The following CDH7 variants were observed in gnomAD, a reference collection of about 807,000 sequenced individuals.
CDH7 encodes the protein cadherin-7.
CDH7 carries 25 observed loss-of-function variants against 71.8 expected under a neutral mutation model. The observed-to-expected ratio is 0.35, with a 90% CI of 0.25 to 0.49. The LOEUF (loss-of-function observed/expected upper bound fraction) is 0.49. CDH7 is among the 20% of genes least tolerant of loss of function. The pLI is 0.99. For synonymous variants in CDH7, 381 were observed against 363.8 expected (o/e 1.05, Z -0.54); for missense variants, 862 against 974.6 (o/e 0.88, Z 1.54).
chr18:65,875,639 C>G (rs549801872), intron 11 of CDH7, among the ~76,000 whole-genome samples: 1 of 152,136 alleles, frequency 6.6e-6, no homozygotes, highest in South Asian at 2.1e-4. Context: ...GTAATGCTAA[C>G]GCTTTGGAAG....
chr18:65,862,420 ATT>A (rs1452071165), intron 10 of CDH7, among the ~76,000 whole-genome samples: 1 of 152,180 alleles, frequency 6.6e-6, no homozygotes, highest in East Asian at 1.9e-4. Flanking sequence ...ACATTTTCAT[ATT>A]TTGTTTTACT....
At chr18:65,795,785 T>C (rs186599122) in intron 2 of CDH7, among the ~76,000 whole-genome samples, 1 of 152,286 alleles carries the variant, frequency 6.6e-6, no homozygotes, top group East Asian at 1.9e-4. Flanking sequence ...TCATCTTGAA[T>C]TGTAATCTCA....
intron 11 of CDH7, among the ~76,000 whole-genome samples, chr18:65,878,095 A>G (rs1038157700): frequency 1.1e-4 from 16 of 152,160 alleles, no homozygotes; most frequent in African/African-American, 3.9e-4. Context: ...GAAAACACCT[A>G]CCCCAGAGAA....
chr18:65,863,388 G>A (rs1913648859), intron 11 of CDH7: 1 of 162,090 alleles, frequency 6.2e-6, no homozygotes, highest in Admixed American at 5.7e-5. Context: ...ACACTTTCCA[G>A]TGGTATATTT....
At chr18:65,824,526 A>G in intron 5 of CDH7, 118 bp from the exon 6 acceptor site, 1 of 559,086 alleles carries the variant, frequency 1.8e-6, no homozygotes, top group East Asian at 3.1e-5. Context: ...ACCTTAGCAT[A>G]TATTTTATTA....
intron 6 of CDH7, among the ~76,000 whole-genome samples, chr18:65,825,519 T>C (rs190644916): frequency 1.6e-4 from 24 of 151,956 alleles, no homozygotes; most frequent in Non-Finnish European, 3.1e-4. Flanking sequence ...TTTACAGATA[T>C]TTAATCAAAA....
chr18:65,854,628 G>T (rs1237366270), intron 7 of CDH7, among the ~76,000 whole-genome samples: 1 of 152,120 alleles, frequency 6.6e-6, no homozygotes, highest in African/African-American at 2.4e-5. Context: ...ACTGATGTCT[G>T]TCAAGTTCAA....
intron 2 of CDH7, among the ~76,000 whole-genome samples, chr18:65,801,624 C>A (rs1469561974): frequency 6.6e-6 from 1 of 152,196 alleles, no homozygotes; most frequent in Non-Finnish European, 1.5e-5. Context: ...CTGTCCTCTT[C>A]TTGGCTAGCT....
At chr18:65,788,048 G>C (rs2143850285) in intron 2 of CDH7, among the ~76,000 whole-genome samples, 1 of 152,162 alleles carries the variant, frequency 6.6e-6, no homozygotes, top group South Asian at 2.1e-4. Context: ...TAACTCTAAG[G>C]ATCTTTTTTT....
intron 6 of CDH7, among the ~76,000 whole-genome samples, chr18:65,826,757 A>T (rs1220158798): frequency 6.6e-6 from 1 of 151,546 alleles, no homozygotes; most frequent in Non-Finnish European, 1.5e-5. Flanking sequence ...AATAAATATC[A>T]TTAAAAAAAT....
intron 6 of CDH7, among the ~76,000 whole-genome samples, chr18:65,840,520 T>G (rs967736118): frequency 6.6e-6 from 1 of 152,144 alleles, no homozygotes; most frequent in Non-Finnish European, 1.5e-5. Context: ...ATGATTTCCA[T>G]GTGTTGTGGG....
At chr18:65,790,320 GA>G (rs1910668568) in intron 2 of CDH7, among the ~76,000 whole-genome samples, 1 of 151,570 alleles carries the variant, frequency 6.6e-6, no homozygotes, top group African/African-American at 2.4e-5. Flanking sequence ...AGGTATATGG[GA>G]AAAATAATTG....
At chr18:65,876,572 C>G (rs2144065246) in intron 11 of CDH7, among the ~76,000 whole-genome samples, 1 of 152,214 alleles carries the variant, frequency 6.6e-6, no homozygotes, top group East Asian at 1.9e-4. Flanking sequence ...TCTTCCATAT[C>G]ACATCTTCCT....
chr18:65,787,446 A>G (rs1386298728), intron 2 of CDH7, among the ~76,000 whole-genome samples: 2 of 152,198 alleles, frequency 1.3e-5, no homozygotes, highest in Admixed American at 6.5e-5. Flanking sequence ...ACAAGATTCA[A>G]CAGGCGTTTA....
intron 7 of CDH7, among the ~76,000 whole-genome samples, chr18:65,850,260 A>G (rs528308417): frequency 3.3e-5 from 5 of 149,988 alleles, no homozygotes; most frequent in African/African-American, 1.2e-4. Context: ...TGTAAATCAT[A>G]GAGAATTATT....
At chr18:65,798,482 G>A (rs970258402) in intron 2 of CDH7, among the ~76,000 whole-genome samples, 1 of 152,230 alleles carries the variant, frequency 6.6e-6, no homozygotes, top group African/African-American at 2.4e-5. Flanking sequence ...GGAAATGTGT[G>A]TGCATGCTGC....
intron 2 of CDH7, among the ~76,000 whole-genome samples, chr18:65,768,608 T>C: frequency 6.6e-6 from 1 of 152,314 alleles, no homozygotes; most frequent in Non-Finnish European, 1.5e-5. Context: ...AAGTGCGCTG[T>C]AATTGTTTGG....
At chr18:65,781,809 TC>T (rs1568181444) in intron 2 of CDH7, among the ~76,000 whole-genome samples, 1 of 83,554 alleles carries the variant, frequency 1.2e-5, no homozygotes, top group Non-Finnish European at 2.2e-5. Flanking sequence ...CTTCCTTCCT[TC>T]CTTCCTTCCT....
Position 65,884,382 on chromosome 18 carries a change from G to C in CDH7, c.*3488G>C. On this transcript the variant is annotated 3_prime_UTR_variant, in exon 12 of 12. Coordinates refer to ENST00000397968, the MANE Select transcript of CDH7 (RefSeq NM_004361.5). Reference sequence around the variant, plus strand: ...AAGCAATCACCAGATCTGGGATCTGGTAAATGTCTTTATTTGCCAGGAAGC... The same window carrying C: ...AAGCAATCACCAGATCTGGGATCTGCTAAATGTCTTTATTTGCCAGGAAGC... 1 of 152,088 alleles carries C rather than the reference G, an allele frequency of 6.6e-6. No homozygotes were observed. Among genetic ancestry groups the C allele is most frequent in the East Asian group, 1.9e-4 (1 of 5,180 alleles). 9.4% of individuals were successfully genotyped at this position (152,088 alleles called of 1,614,324 possible).
Sources: gnomAD v4.1 joint callset for allele counts (sites outside exome capture counted in the v4.1 genomes callset) on GRCh38, gnomAD v4.1.1 for gene constraint, MANE v1.5 for transcripts, NCBI Gene and HGNC (gene_info 2026-07-23, HGNC 2026-07-21) for gene names.